AMPH: variants seen among roughly 807,000 people sequenced by gnomAD.
AMPH encodes the protein amphiphysin (Stiff-Mann syndrome with breast cancer 128kD autoantigen).
Under a neutral mutation model 99.1 loss-of-function variants are expected in AMPH, and 49 were observed. The observed-to-expected ratio is 0.49, with a 90% CI of 0.39 to 0.63. AMPH has a LOEUF of 0.63. Among genes scored for constraint, AMPH ranks in the 20% least tolerant of loss-of-function variants. The pLI is 0.00. For missense variants in AMPH, 759 were observed against 863.4 expected, an observed-to-expected ratio of 0.88 and a Z score of 1.52; for synonymous variants, 314 against 317.3, an observed-to-expected ratio of 0.99 and a Z score of 0.11.
chr7:38,523,599 G>T (rs541151140), intron 2 of AMPH, among the ~76,000 whole-genome samples: 1 of 152,178 alleles, frequency 6.6e-6, no homozygotes, highest in South Asian at 2.1e-4. Context: ...GAATAACATA[G>T]GAATCCATAA....
chr7:38,577,235 T>A (rs1409433692), intron 1 of AMPH, among the ~76,000 whole-genome samples: 2 of 152,188 alleles, frequency 1.3e-5, no homozygotes, highest in African/African-American at 4.8e-5. Flanking sequence ...TGTGGACAAA[T>A]GTACACCTGT....
At chr7:38,406,068 T>C (rs1244153556) in intron 17 of AMPH, among the ~76,000 whole-genome samples, 2 of 152,032 alleles carry the variant, frequency 1.3e-5, no homozygotes, top group Non-Finnish European at 2.9e-5. Flanking sequence ...CAGGAGAAAC[T>C]CTAAAAACCA....
chr7:38,444,861 C>A (rs2129000332), intron 11 of AMPH, among the ~76,000 whole-genome samples: 1 of 151,940 alleles, frequency 6.6e-6, no homozygotes, highest in African/African-American at 2.4e-5. Flanking sequence ...AGTTGAAAGA[C>A]TAACCCTACT....
intron 1 of AMPH, among the ~76,000 whole-genome samples, chr7:38,556,244 G>C (rs185680343): frequency 2.6e-5 from 4 of 152,206 alleles, no homozygotes; most frequent in African/African-American, 9.6e-5. Flanking sequence ...AAATGTGATC[G>C]AATTCCTGCT....
At chr7:38,624,379 T>TTATTATTAGTATTAGTATTAG (rs1554380229) in intron 1 of AMPH, among the ~76,000 whole-genome samples, 19 of 151,850 alleles carry the variant, frequency 1.3e-4, no homozygotes, top group African/African-American at 4.6e-4. Flanking sequence ...CTTATTATTA[T>TTATTATTAGTATTAGTATTAG]TATTAGTATT....
chr7:38,489,586 G>A (rs966992213), intron 5 of AMPH, among the ~76,000 whole-genome samples: 5 of 152,084 alleles, frequency 3.3e-5, no homozygotes, highest in Admixed American at 3.3e-4. Flanking sequence ...TAAAATGCAA[G>A]CTATAGAAAT....
chr7:38,503,545 C>A (rs969273057), intron 3 of AMPH, 105 bp downstream of exon 3: 2 of 1,094,132 alleles, frequency 1.8e-6, no homozygotes, highest in Admixed American at 1.9e-5. Context: ...ATCCATCTTG[C>A]CAGGAAGCCA....
At chr7:38,527,635 A>G (rs1790236369) in intron 2 of AMPH, among the ~76,000 whole-genome samples, 1 of 152,122 alleles carries the variant, frequency 6.6e-6, no homozygotes. Flanking sequence ...TTAGAGTAGT[A>G]TTTTCGTTGA....
intron 2 of AMPH, among the ~76,000 whole-genome samples, chr7:38,509,173 A>G (rs34492046): frequency 0.031 from 4,658 of 152,196 alleles, 101 homozygotes; most frequent in South Asian, 0.083. Flanking sequence ...CTCTTCTTTT[A>G]TTTCTTTTTT....
intron 5 of AMPH, 54 bp downstream of exon 5, chr7:38,490,996 A>C (rs1788697430): frequency 8.6e-7 from 1 of 1,157,724 alleles, no homozygotes; most frequent in South Asian, 1.4e-5. Context: ...CCCATGTTTC[A>C]ATAACTACAT....
At chr7:38,508,388 G>A (rs34858959) in intron 2 of AMPH, among the ~76,000 whole-genome samples, 4,220 of 152,222 alleles carry the variant, frequency 0.028, 80 homozygotes, top group South Asian at 0.052. Context: ...CTGTTGAATT[G>A]GCTTGTTAAT....
chr7:38,391,876 GCTC>G lies in AMPH; in HGVS notation c.1747_1749del (p.Glu583del). 6.2e-7 allele frequency: 1 copy of G among 1,612,940 alleles called. No homozygotes were observed. The highest frequency in any genetic ancestry group is 1.3e-5 in the African/African-American group (1 of 74,980). ...TGGATAGGCTTCTGCTCCGTAGCCA[GCTC>G]CGGTGTCTCGCTGGTGGGGCCCGGA... On this transcript the variant is annotated inframe_deletion, in exon 19 of 21. Transcript: ENST00000356264.
intron 2 of AMPH, among the ~76,000 whole-genome samples, chr7:38,518,361 T>A (rs750311257): frequency 6.6e-6 from 1 of 152,152 alleles, no homozygotes; most frequent in East Asian, 1.9e-4. Flanking sequence ...ATAGAACTTG[T>A]AGGGCCACCA....
At chr7:38,479,929 C>A (rs1788228025) in intron 5 of AMPH, among the ~76,000 whole-genome samples, 1 of 152,066 alleles carries the variant, frequency 6.6e-6, no homozygotes, top group South Asian at 2.1e-4. Flanking sequence ...TTTAATTAGA[C>A]TGAGGCAAGC....
At chr7:38,623,367 C>G (rs1584317549) in intron 1 of AMPH, among the ~76,000 whole-genome samples, 2 of 152,204 alleles carry the variant, frequency 1.3e-5, no homozygotes, top group East Asian at 3.9e-4. Flanking sequence ...TTCTGTTGTA[C>G]TCATTCCTAG....
chr7:38,466,163 C>T lies in AMPH; in HGVS notation c.666+10G>A. 6 of 1,600,736 alleles carry T rather than the reference C, an allele frequency of 3.7e-6. No homozygotes were observed. Among genetic ancestry groups the T allele is most frequent in the Non-Finnish European group, 5.1e-6 (6 of 1,174,554 alleles). On this transcript the variant is annotated intron_variant, in intron 8 of 20. Coordinates refer to ENST00000356264, the MANE Select transcript of AMPH (RefSeq NM_001635.4). The stretch of plus-strand genomic sequence containing the variant: ...ATATTCCATATGCAAAAATTATCGT[C>T]ATGACTCACCACCGCAATTTCCTTA...
chr7:38,470,334 A>G (rs28567602), intron 7 of AMPH, among the ~76,000 whole-genome samples: 6 of 152,058 alleles, frequency 3.9e-5, no homozygotes, highest in Non-Finnish European at 7.4e-5. Flanking sequence ...CTCATCTCCA[A>G]TGGAGTCTCC....
intron 1 of AMPH, among the ~76,000 whole-genome samples, chr7:38,568,658 A>G (rs1791833597): frequency 6.6e-6 from 1 of 152,202 alleles, no homozygotes; most frequent in Non-Finnish European, 1.5e-5. Flanking sequence ...AGAGTGCTGT[A>G]TTTGATTATT....
intron 1 of AMPH, among the ~76,000 whole-genome samples, chr7:38,558,864 T>A (rs1246905490): frequency 2.0e-5 from 3 of 152,222 alleles, no homozygotes; most frequent in Admixed American, 6.5e-5. Flanking sequence ...CTCCTGTTTT[T>A]GCAATTGGCA....
Sources: allele counts gnomAD v4.1 joint callset (sites outside exome capture counted in the v4.1 genomes callset), GRCh38; gene constraint gnomAD v4.1.1; transcripts MANE v1.5; gene names NCBI Gene and HGNC (gene_info 2026-07-23, HGNC 2026-07-21).